MTUS2: variants seen among roughly 807,000 people sequenced by gnomAD.
The protein encoded by MTUS2 is microtubule associated scaffold protein 2, also known as microtubule-associated tumor suppressor candidate 2.
MTUS2 carries 40 observed loss-of-function variants against 114.1 expected under a neutral mutation model. The observed-to-expected ratio is 0.35, with a 90% confidence interval of 0.27 to 0.46. The LOEUF (loss-of-function observed/expected upper bound fraction) is 0.46. Ranked by LOEUF, MTUS2 falls within the 20% of genes least tolerant of loss-of-function variation. The probability of loss-of-function intolerance (pLI) is 1.00; values close to 1 mark genes in which losing one functional copy is unlikely to be tolerated. For synonymous variants in MTUS2, 688 were observed against 672.0 expected (o/e 1.02, Z -0.37); for missense variants, 1,679 against 1,705.4 (o/e 0.98, Z 0.27).
rs1283029570 is a variant in MTUS2 at position 29,034,170 on chromosome 13, A to G, written c.2446+45A>G. ...CTGCCTTTTCCTGCTGTACGTTTAGATAGTCATCATGTAAGATGGTGATAA... is the reference window on the plus strand; with the variant it reads ...CTGCCTTTTCCTGCTGTACGTTTAGGTAGTCATCATGTAAGATGGTGATAA... On this transcript the variant is annotated intron_variant, in intron 4 of 15. Coordinates refer to ENST00000612955, the MANE Select transcript of MTUS2 (RefSeq NM_001033602.4). 6.2e-7 allele frequency: 1 copy of G among 1,609,494 alleles called. No homozygotes were observed.
intron 7 of MTUS2, among the ~76,000 whole-genome samples, chr13:29,338,105 C>T (rs1901175814): frequency 6.6e-6 from 1 of 152,012 alleles, no homozygotes; most frequent in South Asian, 2.1e-4. Flanking sequence ...ACCGGACCAT[C>T]TTGCCAGCCA....
intron 4 of MTUS2, among the ~76,000 whole-genome samples, chr13:29,036,171 A>C (rs1593406597): frequency 6.6e-6 from 1 of 151,322 alleles, no homozygotes; most frequent in East Asian, 1.9e-4. Flanking sequence ...GAAAAATAAA[A>C]GAAAAACCCA....
intron 1 of MTUS2, among the ~76,000 whole-genome samples, chr13:28,830,573 T>C (rs942931308): frequency 1.3e-5 from 2 of 151,812 alleles, no homozygotes; most frequent in Non-Finnish European, 2.9e-5. Context: ...TCGGCAAACT[T>C]GAAAATAAAT....
chr13:28,884,749 G>A (rs969740626), intron 2 of MTUS2, among the ~76,000 whole-genome samples: 12 of 152,282 alleles, frequency 7.9e-5, no homozygotes, highest in African/African-American at 2.6e-4. Flanking sequence ...GAAGCTGGGC[G>A]AAATGTACAT....
intron 11 of MTUS2, 86 bp from the exon 12 acceptor site, chr13:29,492,560 T>C (rs745940646): frequency 7.8e-6 from 8 of 1,023,304 alleles, no homozygotes; most frequent in Admixed American, 2.1e-5. Flanking sequence ...TTACCTGAAG[T>C]CACAGGTCTT....
chr13:29,409,714 T>A (rs1457162749), intron 8 of MTUS2, among the ~76,000 whole-genome samples: 1 of 152,210 alleles, frequency 6.6e-6, no homozygotes, highest in African/African-American at 2.4e-5. Flanking sequence ...AGTGTGAATA[T>A]TATTTTACAT....
chr13:28,950,392 A>G (rs1053120313), intron 2 of MTUS2, among the ~76,000 whole-genome samples: 2 of 152,188 alleles, frequency 1.3e-5, no homozygotes, highest in Non-Finnish European at 2.9e-5. Flanking sequence ...TTCCCATTCA[A>G]TAGGTTACCG....
chr13:29,042,298 G>A (rs371613003), intron 4 of MTUS2, among the ~76,000 whole-genome samples: 50 of 152,202 alleles, frequency 3.3e-4, no homozygotes, highest in African/African-American at 1.2e-3. Context: ...AACCACCCCT[G>A]CATCCCTACT....
chr13:28,897,277 A>C (rs1879334538), intron 2 of MTUS2, among the ~76,000 whole-genome samples: 1 of 152,230 alleles, frequency 6.6e-6, no homozygotes, highest in South Asian at 2.1e-4. Context: ...ACATTTATGC[A>C]GCCAAAAAAC....
At chr13:29,457,007 T>C (rs1879157966) in intron 9 of MTUS2, among the ~76,000 whole-genome samples, 1 of 151,412 alleles carries the variant, frequency 6.6e-6, no homozygotes, top group African/African-American at 2.4e-5. Flanking sequence ...TAGCCAGGCA[T>C]GGTGGCAGGC....
chr13:29,271,932 T>C (rs1897895604), intron 5 of MTUS2, among the ~76,000 whole-genome samples: 1 of 152,208 alleles, frequency 6.6e-6, no homozygotes, highest in Admixed American at 6.5e-5. Context: ...AAGCCATCTT[T>C]TAAAACTTTC....
At chr13:29,164,191 C>T (rs3930809) in intron 5 of MTUS2, among the ~76,000 whole-genome samples, 64,835 of 152,040 alleles carry the variant, frequency 0.43, 15,786 homozygotes, top group African/African-American at 0.67. Context: ...AGTGTGCACA[C>T]AGTGCTCTGT....
chr13:29,139,950 G>A (rs1331241495), intron 5 of MTUS2, among the ~76,000 whole-genome samples: 1 of 152,182 alleles, frequency 6.6e-6, no homozygotes, highest in Non-Finnish European at 1.5e-5. Context: ...ATCATCACCT[G>A]CCCTGTAGTC....
At chr13:28,821,756 T>C (rs1873919366) in intron 1 of MTUS2, among the ~76,000 whole-genome samples, 2 of 152,222 alleles carry the variant, frequency 1.3e-5, no homozygotes, top group African/African-American at 4.8e-5. Context: ...TCACTTTCTG[T>C]AGCCTATGGT....
Position 29,359,341 on chromosome 13 carries a change from G to A in MTUS2, c.2985G>A (p.Arg995=), listed in dbSNP as rs1304938999. Residue 995 remains arginine (R), a synonymous_variant, in exon 8 of 16, where the codon CGG becomes CGA. Coordinates refer to ENST00000612955, the MANE Select transcript of MTUS2 (RefSeq NM_001033602.4). ...ACCCGCAGGCCCGTGAGGCTGAGCG[G>A]CAGCTGGTGCTGCGGCTGAAGGAGC... ...KPDPQAREAE[R]QLVLRLKERC... 6.2e-7 allele frequency: 1 copy of A among 1,611,474 alleles called. No homozygotes were observed. Among genetic ancestry groups the A allele is most frequent in the East Asian group, 2.2e-5 (1 of 44,802 alleles).
In MTUS2 at chr13:29,492,687, G is replaced by C. The variant is rs774560075; in HGVS notation, c.3547G>C (p.Glu1183Gln). 3.7e-6 allele frequency: 6 copies of C among 1,613,682 alleles called. No individual in the cohort carries two copies. The East Asian group carries it at 1.3e-4, about 36-fold the overall frequency. Reference sequence around the variant, plus strand: ...TGAGCTTGAAAAGAAAGAATTGGAAGAAAATTTTGAAAAACTGCGGCTGTC... The same window carrying C: ...TGAGCTTGAAAAGAAAGAATTGGAACAAAATTTTGAAAAACTGCGGCTGTC... Reference protein sequence around the residue: ...THELEKKELEENFEKLRLSLQ... With the variant: ...THELEKKELEQNFEKLRLSLQ... Residue 1183 changes from glutamate (E) to glutamine (Q), a missense_variant, in exon 12 of 16, where the codon GAA becomes CAA. Coordinates refer to ENST00000612955, the MANE Select transcript of MTUS2 (RefSeq NM_001033602.4).
intron 4 of MTUS2, among the ~76,000 whole-genome samples, chr13:29,089,373 G>A (rs1889838650): frequency 6.6e-6 from 1 of 152,118 alleles, no homozygotes; most frequent in African/African-American, 2.4e-5. Context: ...CTTATTTCTA[G>A]CTAACTTTAA....
chr13:28,966,676 G>A (rs1376131479), intron 2 of MTUS2, among the ~76,000 whole-genome samples: 1 of 135,728 alleles, frequency 7.4e-6, no homozygotes, highest in Non-Finnish European at 1.5e-5. Context: ...AGTGAGCTGT[G>A]ATGGTGTTAC....
chr13:28,895,548 G>A (rs1879215120), intron 2 of MTUS2, among the ~76,000 whole-genome samples: 1 of 152,244 alleles, frequency 6.6e-6, no homozygotes, highest in Non-Finnish European at 1.5e-5. Context: ...GTATCTACCA[G>A]GCATAGTTCA....
Sources: allele counts gnomAD v4.1 joint callset (sites outside exome capture counted in the v4.1 genomes callset), GRCh38; gene constraint gnomAD v4.1.1; transcripts MANE v1.5; gene names NCBI Gene and HGNC (gene_info 2026-07-23, HGNC 2026-07-21).